Variants in FGF13 observed in about 807,000 individuals in gnomAD.
The protein encoded by FGF13 is fibroblast growth factor 13, also known as fibroblast growth factor homologous factor 2.
Under a neutral mutation model 19.5 loss-of-function variants are expected in FGF13, and 2 were observed. The ratio of observed to expected loss-of-function variants is 0.10; its 90% CI spans 0.04 to 0.32. FGF13 has a LOEUF of 0.32. Among genes scored for constraint, FGF13 ranks in the 10% least tolerant of loss-of-function variants. The pLI is 1.00. For synonymous variants in FGF13, 72 were observed against 76.9 expected (o/e 0.94, Z 0.33); for missense variants, 113 against 192.7 (o/e 0.59, Z 2.45).
At chrX:138,867,170 T>A (rs747816290) in intron 1 of FGF13, among the ~76,000 whole-genome samples, 3 of 111,376 alleles carry the variant, frequency 2.7e-5, no homozygotes, top group Non-Finnish European at 5.6e-5. Context: ...CTCACACCTG[T>A]AATCCAAGGG....
At chrX:139,089,575 A>AT (rs1056787081) in intron 1 of FGF13, among the ~76,000 whole-genome samples, 18 of 110,263 alleles carry the variant, frequency 1.6e-4, no homozygotes, top group African/African-American at 5.3e-4. Context: ...CCTGGACTCA[A>AT]TTTTTTTTTA....
rs145248323 is a variant in FGF13 at position 139,002,131 on chromosome X, G to C, written c.-112-137481C>G. On this transcript the variant is annotated intron_variant, in intron 1 of 2. Transcript: ENST00000421460. Reference sequence around the variant, plus strand: ...CACATGTTCTCACTCATAAGTGGGAGATGAGCAATGAGAACACATGGACAC... The same window carrying C: ...CACATGTTCTCACTCATAAGTGGGACATGAGCAATGAGAACACATGGACAC... Among the ~76,000 whole-genome samples the C allele has an allele frequency of 9.3e-3, 1,034 of 110,636 alleles. 10 individuals are homozygous for C. The highest frequency in any genetic ancestry group is 0.032 in the African/African-American group (963 of 30,344).
intron 1 of FGF13, among the ~76,000 whole-genome samples, chrX:138,892,002 ATGTGTGTG>A (rs3077315): frequency 4.4e-5 from 4 of 90,367 alleles, no homozygotes; most frequent in Admixed American, 1.3e-4. Context: ...ATATATACAT[ATGTGTGTG>A]TGTGTGTGTG....
intron 1 of FGF13, among the ~76,000 whole-genome samples, chrX:139,175,293 G>C (rs1468021666): frequency 8.9e-6 from 1 of 111,947 alleles, no homozygotes; most frequent in Non-Finnish European, 1.9e-5. Context: ...AAGGAGATTT[G>C]GGGCTGAAAG....
intron 1 of FGF13, among the ~76,000 whole-genome samples, chrX:138,984,814 C>CTGTGTGTGTG (rs200719953): frequency 0.23 from 20,944 of 90,538 alleles, 2,261 homozygotes; most frequent in South Asian, 0.33. Context: ...TATGTCAGTT[C>CTGTGTGTGTG]TGTGTGTGTG....
At chrX:139,109,308 G>A (rs1407172101) in intron 1 of FGF13, among the ~76,000 whole-genome samples, 2 of 111,310 alleles carry the variant, frequency 1.8e-5, no homozygotes, top group African/African-American at 6.5e-5. Flanking sequence ...AACCAACTCA[G>A]CAACAAAAAA....
intron 3 of FGF13, among the ~76,000 whole-genome samples, chrX:138,769,041 A>G (rs1466071832): frequency 9.0e-6 from 1 of 110,855 alleles, no homozygotes; most frequent in African/African-American, 3.3e-5. Flanking sequence ...AGGGTTTAAC[A>G]TGATTCGGTT....
intron 1 of FGF13, among the ~76,000 whole-genome samples, chrX:139,190,171 C>G (rs760921461): frequency 2.1e-4 from 24 of 111,719 alleles, no homozygotes; most frequent in African/African-American, 7.8e-4. Flanking sequence ...CTGGTTTCAA[C>G]CAAAGAATGC....
At chrX:139,165,865 C>T (rs1361654941) in intron 1 of FGF13, among the ~76,000 whole-genome samples, 1 of 111,758 alleles carries the variant, frequency 8.9e-6, no homozygotes, top group East Asian at 2.8e-4. Context: ...GCCTGGGCCC[C>T]TTTGTTTTGG....
At chrX:138,874,904 T>C (rs2091379238) in intron 1 of FGF13, among the ~76,000 whole-genome samples, 2 of 111,531 alleles carry the variant, frequency 1.8e-5, no homozygotes, top group African/African-American at 3.3e-5. Context: ...GCCTCGGGCC[T>C]CTCTCTGTAC....
At chrX:138,774,340 T>G (rs1257100031) in intron 3 of FGF13, among the ~76,000 whole-genome samples, 1 of 111,720 alleles carries the variant, frequency 9.0e-6, no homozygotes, top group African/African-American at 3.3e-5. Context: ...TATACACAAC[T>G]TGCTATGCAT....
rs1455754688 is a variant in FGF13 at position 138,738,265 on chromosome X, T to C, written c.28+977A>G. Among the ~76,000 whole-genome samples, 3 of 112,253 alleles carry C rather than the reference T, an allele frequency of 2.7e-5. No individual in the cohort carries two copies. The Admixed American group carries it at 2.8e-4, about 11-fold the overall frequency. ...AAATCACCATGAATAATTACTCATCTGGACAAAATGTTCTAGCAAAATAAA... is the reference window on the plus strand; with the variant it reads ...AAATCACCATGAATAATTACTCATCCGGACAAAATGTTCTAGCAAAATAAA... On this transcript the variant is annotated intron_variant, in intron 1 of 4. Transcript: ENST00000305414.
At chrX:138,713,392 G>A (rs1313590981), upstream of FGF13, among the ~76,000 whole-genome samples, 1 of 111,872 alleles carries the variant, frequency 8.9e-6, no homozygotes, top group African/African-American at 3.3e-5. Context: ...ATAAAGAGGG[G>A]TCAGGAGAAG....
intron 1 of FGF13, among the ~76,000 whole-genome samples, chrX:139,186,225 C>G (rs956566526): frequency 9.0e-6 from 1 of 111,420 alleles, no homozygotes; most frequent in African/African-American, 3.3e-5. Context: ...AAAGAAGATG[C>G]AAAGAATAAG....
intron 1 of FGF13, among the ~76,000 whole-genome samples, chrX:138,900,458 C>CA (rs2091526566): frequency 9.0e-6 from 1 of 110,813 alleles, no homozygotes; most frequent in Non-Finnish European, 1.9e-5. Context: ...CCCTCAATTC[C>CA]AATCCACCAG....
At position 138,792,658 on chromosome X, in the gene FGF13, A is replaced by G. The variant is rs762663877; in HGVS notation, c.217+64854T>C. 2.7e-5 allele frequency among the ~76,000 whole-genome samples: 3 copies of G among 111,839 alleles called. No homozygotes were observed. In the South Asian group the frequency reaches 1.1e-3, roughly 42 times the overall value. On this transcript the variant is annotated intron_variant, in intron 3 of 6. Transcript: ENST00000436198. ...CCTAGGATGGCCTGAGACTGATCCCACAGGCTGTTAAGAGAATCTGGAGAC... is the reference window on the plus strand; with the variant it reads ...CCTAGGATGGCCTGAGACTGATCCCGCAGGCTGTTAAGAGAATCTGGAGAC...
At chrX:138,799,010 A>C (rs1468539383) in intron 3 of FGF13, among the ~76,000 whole-genome samples, 1 of 110,541 alleles carries the variant, frequency 9.0e-6, no homozygotes, top group African/African-American at 3.3e-5. Context: ...TCAAAAAACC[A>C]CCTCCTGGAT....
intron 1 of FGF13, among the ~76,000 whole-genome samples, chrX:138,995,028 C>T (rs1459005038): frequency 1.9e-5 from 2 of 106,419 alleles, no homozygotes; most frequent in Non-Finnish European, 3.8e-5. Flanking sequence ...TAAACACTCA[C>T]AGTACCTCGT....
chrX:139,121,768 T>C lies in FGF13; in HGVS notation c.-113+81648A>G, dbSNP rs113787058. Among the ~76,000 whole-genome samples, 400 of 110,629 alleles carry C rather than the reference T, an allele frequency of 3.6e-3. 3 individuals are homozygous for C. Among genetic ancestry groups the C allele is most frequent in the African/African-American group, 0.012 (376 of 30,386 alleles). On this transcript the variant is annotated intron_variant, in intron 1 of 2. Transcript: ENST00000421460. ...ACTGTCAGAAGAAAGGGGTTTAGTA[T>C]ACTACTCAAAGGTCCCTAGAAGCAG...
Sources: allele counts gnomAD v4.1 joint callset (sites outside exome capture counted in the v4.1 genomes callset), GRCh38; gene constraint gnomAD v4.1.1; transcripts MANE v1.5; gene names NCBI Gene and HGNC (gene_info 2026-07-23, HGNC 2026-07-21).